The following PTPRM variants were observed in gnomAD, a reference collection of about 807,000 sequenced individuals.
PTPRM encodes the protein protein tyrosine phosphatase receptor type M, also known as receptor-type tyrosine-protein phosphatase mu.
PTPRM carries 47 observed loss-of-function variants against 186.7 expected under a neutral mutation model. That is an observed-to-expected ratio of 0.25 (90% confidence interval 0.20 to 0.32). PTPRM has a LOEUF of 0.32. Ranked by LOEUF, PTPRM falls within the 10% of genes least tolerant of loss-of-function variation. The pLI is 1.00. For missense variants in PTPRM, 1,494 were observed against 1,865.0 expected, an observed-to-expected ratio of 0.80 and a Z score of 3.66; for synonymous variants, 668 against 674.9, an observed-to-expected ratio of 0.99 and a Z score of 0.16.
intron 2 of PTPRM, among the ~76,000 whole-genome samples, chr18:7,883,128 T>C (rs1356736466): frequency 6.6e-6 from 1 of 152,212 alleles, no homozygotes; most frequent in Non-Finnish European, 1.5e-5. Flanking sequence ...TTTCTACTTA[T>C]ATACTAGTGA....
intron 7 of PTPRM, among the ~76,000 whole-genome samples, chr18:8,039,693 G>A (rs555132030): frequency 9.2e-5 from 14 of 152,178 alleles, no homozygotes; most frequent in South Asian, 2.1e-4. Flanking sequence ...CTCTCCCAGC[G>A]ATTTTCAAGT....
At chr18:8,270,671 G>T (rs901420826) in intron 19 of PTPRM, among the ~76,000 whole-genome samples, 2 of 152,056 alleles carry the variant, frequency 1.3e-5, no homozygotes, top group Admixed American at 1.3e-4. Flanking sequence ...ATATTATTCA[G>T]CCACAAAAAA....
chr18:8,402,944 A>G (rs1240669726), intron 32 of PTPRM: 1 of 152,254 alleles, frequency 6.6e-6, no homozygotes, highest in Non-Finnish European at 1.5e-5. Flanking sequence ...TTGCACTAGG[A>G]GATAATTTAA....
chr18:8,339,057 G>A (rs976698260), intron 22 of PTPRM, among the ~76,000 whole-genome samples: 7 of 151,956 alleles, frequency 4.6e-5, no homozygotes, highest in African/African-American at 7.3e-5. Flanking sequence ...TTGTTGAAAC[G>A]ATGATTTTTG....
At chr18:7,991,819 G>A (rs1243314207) in intron 7 of PTPRM, among the ~76,000 whole-genome samples, 1 of 152,070 alleles carries the variant, frequency 6.6e-6, no homozygotes, top group Non-Finnish European at 1.5e-5. Context: ...CATAAGTTAT[G>A]GGATGTGAGT....
At chr18:7,711,596 C>T (rs1329248314) in intron 1 of PTPRM, among the ~76,000 whole-genome samples, 1 of 152,226 alleles carries the variant, frequency 6.6e-6, no homozygotes, top group African/African-American at 2.4e-5. Flanking sequence ...GAAATTCTTG[C>T]TGCCAGGAGA....
At chr18:8,329,141 T>A (rs1483342117) in intron 22 of PTPRM, among the ~76,000 whole-genome samples, 1 of 152,252 alleles carries the variant, frequency 6.6e-6, no homozygotes, top group African/African-American at 2.4e-5. Context: ...AAACAAATGC[T>A]TTTTAAACCT....
At chr18:8,158,026 T>C (rs2093158055) in intron 14 of PTPRM, among the ~76,000 whole-genome samples, 1 of 152,224 alleles carries the variant, frequency 6.6e-6, no homozygotes, top group Admixed American at 6.5e-5. Flanking sequence ...GCACCAGCCC[T>C]GAACTTGCAC....
chr18:8,358,603 C>T (rs879521867), intron 23 of PTPRM, among the ~76,000 whole-genome samples: 9 of 152,168 alleles, frequency 5.9e-5, no homozygotes, highest in African/African-American at 1.7e-4. Flanking sequence ...GTGACCTCTC[C>T]GCCTACTTTA....
rs2095497518 is a variant in PTPRM at position 8,344,993 on chromosome 18, G to GCT, written c.3054+1473_3054+1474insCT. Among the ~76,000 whole-genome samples the GCT allele has an allele frequency of 2.0e-5, 3 of 152,102 alleles. No individual in the cohort carries two copies. The South Asian group carries it at 6.2e-4, about 31-fold the overall frequency. ...AAGGAAGTTACACCATTTTCACTTA[G>GCT]GTAGGATCTGTGGGGGTAAAGCACT... is the stretch of plus-strand genomic sequence containing the variant. On this transcript the variant is annotated intron_variant, in intron 23 of 32. Transcript: ENST00000580170.
chr18:8,384,461 A>C, intron 29 of PTPRM, 100 bp from the exon 30 acceptor site: 1 of 1,379,332 alleles, frequency 7.2e-7, no homozygotes, highest in South Asian at 1.3e-5. Flanking sequence ...CTATCTCTTA[A>C]AAAAAAAGGA....
chr18:8,064,757 A>G (rs1006827668), intron 7 of PTPRM, among the ~76,000 whole-genome samples: 5 of 152,218 alleles, frequency 3.3e-5, no homozygotes, highest in African/African-American at 1.2e-4. Flanking sequence ...GCCTTTAACT[A>G]CTTCACCTAA....
At chr18:8,352,632 CTTT>C (rs58235619) in intron 23 of PTPRM, among the ~76,000 whole-genome samples, 2 of 130,424 alleles carry the variant, frequency 1.5e-5, no homozygotes, top group African/African-American at 2.8e-5. Flanking sequence ...TTTTTCTTTT[CTTT>C]TTTTTTTTTT....
At chr18:8,227,626 A>AT (rs2094230247) in intron 14 of PTPRM, among the ~76,000 whole-genome samples, 1 of 152,122 alleles carries the variant, frequency 6.6e-6, no homozygotes, top group African/African-American at 2.4e-5. Flanking sequence ...ACATTCCAGA[A>AT]TTTTTTAGCG....
rs1600385631 is a variant in PTPRM, at chr18:8,069,838, G to A, written c.1285G>A (p.Val429Met). ...YCYQVGGQEQ[V>M]REEVSWDTEN... ...TTACCAAGTTGGAGGACAAGAACAA[G>A]TGCGAGAAGAAGTAAGCTGGGATAC... Residue 429 changes from valine to methionine, a missense_variant, in exon 8 of 33, where the codon GTG (valine) becomes ATG (methionine). Physicochemically the swap from Val to Met is conservative, Grantham distance 21. This residue lies in a region of PTPRM where 1,107 missense variants were observed against 1,350.2 expected (regional missense o/e 0.82). Transcript: ENST00000580170. 2 of 1,614,104 alleles carry A rather than the reference G, an allele frequency of 1.2e-6. No individual in the cohort carries two copies. Among genetic ancestry groups the A allele is most frequent in the African/African-American group, 2.7e-5 (2 of 75,050 alleles).
chr18:8,358,071 T>C (rs1448864197), intron 23 of PTPRM, among the ~76,000 whole-genome samples: 1 of 152,208 alleles, frequency 6.6e-6, no homozygotes, highest in Admixed American at 6.5e-5. Flanking sequence ...ATAGTATTCC[T>C]GCAAATACAT....
In PTPRM at chr18:7,729,556, A is replaced by G. The variant is rs1306050983; in HGVS notation, c.74-44593A>G. Reference sequence around the variant, plus strand: ...AAAAAAACAGTACAAAAGACTTAGAAGAATATAGTCAAGGTAGAGTTGATG... The same window carrying G: ...AAAAAAACAGTACAAAAGACTTAGAGGAATATAGTCAAGGTAGAGTTGATG... On this transcript the variant is annotated intron_variant, in intron 1 of 32. Transcript: ENST00000580170. 2.0e-5 allele frequency among the ~76,000 whole-genome samples: 3 copies of G among 152,226 alleles called. No homozygotes were observed. In the East Asian group the frequency reaches 5.8e-4, roughly 29 times the overall value.
At chr18:8,128,858 A>AT (rs1600722432) in intron 13 of PTPRM, among the ~76,000 whole-genome samples, 1 of 152,158 alleles carries the variant, frequency 6.6e-6, no homozygotes, top group East Asian at 1.9e-4. Flanking sequence ...AAACAATTTA[A>AT]TTTTTTGATA....
At chr18:7,968,458 A>G (rs1156305973) in intron 7 of PTPRM, among the ~76,000 whole-genome samples, 1 of 101,942 alleles carries the variant, frequency 9.8e-6, no homozygotes, top group African/African-American at 4.3e-5. Context: ...ACATAACAAT[A>G]TTAACTTTAA....
Sources: gnomAD v4.1 joint callset for allele counts (sites outside exome capture counted in the v4.1 genomes callset) on GRCh38, gnomAD v4.1.1 for gene constraint, gnomAD v4.1.1 regional missense constraint, MANE v1.5 for transcripts, NCBI Gene and HGNC (gene_info 2026-07-23, HGNC 2026-07-21) for gene names.